The following DNMT3A variants were observed in gnomAD, a reference collection of about 807,000 sequenced individuals.
DNMT3A encodes the protein DNA (cytosine-5)-methyltransferase 3A.
Under a neutral mutation model 117.6 loss-of-function variants are expected in DNMT3A, and 267 were observed. The observed-to-expected ratio is 2.27, with a 90% CI of 2.05 to 2.51. DNMT3A has a LOEUF of 2.51. DNMT3A is among the 30% of genes most tolerant of loss of function. The pLI, the probability that DNMT3A is intolerant of heterozygous loss-of-function variation, is 0.00. For synonymous variants in DNMT3A, 432 were observed against 474.8 expected (o/e 0.91, Z 1.17); for missense variants, 1,029 against 1,260.2 (o/e 0.82, Z 2.78).
chr2:25,272,575 C>T (rs974101670), intron 6 of DNMT3A, among the ~76,000 whole-genome samples: 7 of 152,132 alleles, frequency 4.6e-5, no homozygotes, highest in Non-Finnish European at 8.8e-5. Context: ...TTCTGGGTTG[C>T]GGGGAACCCA....
chr2:25,243,760 A>C, intron 16 of DNMT3A, 138 bp downstream of exon 16: 1 of 1,014,852 alleles, frequency 9.9e-7, no homozygotes, highest in Admixed American at 2.2e-5. Context: ...TCCACTTCAC[A>C]CACAAGCTTC....
At chr2:25,312,679 G>A (rs1202541609) in intron 2 of DNMT3A, among the ~76,000 whole-genome samples, 1 of 152,186 alleles carries the variant, frequency 6.6e-6, no homozygotes, top group African/African-American at 2.4e-5. Flanking sequence ...TTTGTTTCAA[G>A]AGTTGTCCCC....
intron 4 of DNMT3A, among the ~76,000 whole-genome samples, chr2:25,277,152 C>A (rs2031490822): frequency 6.6e-6 from 1 of 152,148 alleles, no homozygotes; most frequent in Non-Finnish European, 1.5e-5. Context: ...TCGCGGGCAC[C>A]TGTGCGCGTG....
chr2:25,278,042 C>CACACACAAACAG (rs150400657), intron 4 of DNMT3A, among the ~76,000 whole-genome samples: 14,068 of 146,292 alleles, frequency 0.096, 818 homozygotes, highest in Admixed American at 0.14. Context: ...CACACACAGA[C>CACACACAAACAG]ACACACGCTT....
chr2:25,340,781 C>T (rs1270026433), intron 1 of DNMT3A, among the ~76,000 whole-genome samples: 12 of 151,132 alleles, frequency 7.9e-5, no homozygotes, highest in Non-Finnish European at 1.8e-4. Context: ...GCTGGAGGGG[C>T]GACCCCGGGC....
rs1207847249 is a variant in DNMT3A at position 25,327,420 on chromosome 2, T to C, written c.-177-13259A>G. Among the ~76,000 whole-genome samples, 1 of 152,048 alleles carries C rather than the reference T, an allele frequency of 6.6e-6. No individual in the cohort carries two copies. Among genetic ancestry groups the C allele is most frequent in the Non-Finnish European group, 1.5e-5 (1 of 68,020 alleles). ...ACTCACTCAACAGCCATTTCTTGAG[T>C]GCCATTGTGGAGCCGGGCCCTGGAG... On this transcript the variant is annotated intron_variant, in intron 1 of 22. Coordinates refer to ENST00000321117, the MANE Select transcript of DNMT3A (RefSeq NM_022552.5). The surrounding 1 kb of genome is among the most constrained non-coding windows in gnomAD (Gnocchi z 4.1).
chr2:25,258,471 A>G (rs144856550), intron 6 of DNMT3A, among the ~76,000 whole-genome samples: 36 of 152,302 alleles, frequency 2.4e-4, no homozygotes, highest in Middle Eastern at 3.4e-3. Context: ...GTCAGTCCTT[A>G]GCACCTGCAG....
At position 25,229,093 on chromosome 2, in the gene DNMT3A, G is replaced by T. The variant is rs1672776100; in HGVS notation, c.*5186C>A. ...CTCTGCTGCCTCGGGTCAGAGACAG[G>T]TCACCCACCAAAGGCCCACCTTAGC... On this transcript the variant is annotated 3_prime_UTR_variant, in exon 23 of 23. Coordinates refer to ENST00000321117, the MANE Select transcript of DNMT3A (RefSeq NM_022552.5). 1 of 152,196 alleles carries T rather than the reference G, an allele frequency of 6.6e-6. No individual in the cohort carries two copies. 9.4% of individuals were successfully genotyped at this position (152,196 alleles called of 1,614,324 possible). A position where few individuals can be genotyped will look rare whatever the true frequency, so the allele number is the denominator to read the frequency against.
Position 25,247,016 on chromosome 2 carries a change from G to C in DNMT3A, c.1122+35C>G. ...AACTTCCAGGCCTCCTAGTGCTCTAGGCTCCTCCTCCGAGCTCCCAGCAGG... is the reference window on the plus strand; with the variant it reads ...AACTTCCAGGCCTCCTAGTGCTCTACGCTCCTCCTCCGAGCTCCCAGCAGG... On this transcript the variant is annotated intron_variant, in intron 9 of 22. Coordinates refer to ENST00000321117, the MANE Select transcript of DNMT3A (RefSeq NM_022552.5). The surrounding 1 kb of genome is among the most constrained non-coding windows in gnomAD (Gnocchi z 5.6). 6.2e-7 allele frequency: 1 copy of C among 1,601,292 alleles called. No homozygotes were observed. Among genetic ancestry groups the C allele is most frequent in the Non-Finnish European group, 8.5e-7 (1 of 1,173,334 alleles).
intron 18 of DNMT3A, 24 bp from the exon 19 acceptor site, chr2:25,240,474 A>C: frequency 6.3e-7 from 1 of 1,592,970 alleles, no homozygotes; most frequent in Non-Finnish European, 8.5e-7. Flanking sequence ...AGAGAAAGCC[A>C]TCAGCTGGGG....
At chr2:25,300,560 A>C (rs1393868258) in intron 2 of DNMT3A, among the ~76,000 whole-genome samples, 2 of 146,072 alleles carry the variant, frequency 1.4e-5, no homozygotes, top group Non-Finnish European at 3.0e-5. Context: ...TGGGCAACAT[A>C]GTGAGACTCC....
At chr2:25,242,050 C>A (rs1477307251) in intron 16 of DNMT3A, 2 of 303,294 alleles carry the variant, frequency 6.6e-6, no homozygotes, top group East Asian at 1.8e-4. Flanking sequence ...TCCTTCCATA[C>A]CCTCTTATCA....
In DNMT3A at chr2:25,244,192, A is replaced by G. The variant is rs774371295; in HGVS notation, c.1814T>C (p.Leu605Pro). ...LRRREDWPSR[L>P]QMFFANNHDQ... ...GTGGTTATTAGCGAAGAACATCTGG[A>G]GCCGGGAGGGCCAGTCCTCTCGCCG... is the stretch of plus-strand genomic sequence containing the variant. Residue 605 changes from leucine (L) to proline (P), a missense_variant, in exon 15 of 23, where the codon CTC (leucine) becomes CCC (proline). Coordinates refer to ENST00000321117, the MANE Select transcript of DNMT3A (RefSeq NM_022552.5). The G allele has an allele frequency of 6.2e-7, 1 of 1,613,914 alleles. No individual in the cohort carries two copies. The highest frequency in any genetic ancestry group is 8.5e-7 in the Non-Finnish European group (1 of 1,180,046).
rs1048020840 is a variant in DNMT3A, at chr2:25,231,967, A to C, written c.*2312T>G. The C allele has an allele frequency of 6.6e-6, 1 of 152,278 alleles. No homozygotes were observed. Among genetic ancestry groups the C allele is most frequent in the Non-Finnish European group, 1.5e-5 (1 of 68,144 alleles). 9.4% of individuals were successfully genotyped at this position (152,278 alleles called of 1,614,324 possible). On this transcript the variant is annotated 3_prime_UTR_variant, in exon 23 of 23. Transcript: ENST00000321117. ...GGCGTGTGTGTGTGTGTGTGAGTGC[A>C]TTCATTATGCATCAGTACAGAAATA... is the stretch of plus-strand genomic sequence containing the variant.
chr2:25,300,648 GATATCTAAATAAT>G, intron 2 of DNMT3A, among the ~76,000 whole-genome samples: 1 of 61,234 alleles, frequency 1.6e-5, no homozygotes, highest in African/African-American at 5.5e-5. Flanking sequence ...ATATTATTTA[GATATCTAAATAAT>G]ATATTATTTA....
At chr2:25,312,755 C>T (rs1306097193) in intron 2 of DNMT3A, among the ~76,000 whole-genome samples, 1 of 152,136 alleles carries the variant, frequency 6.6e-6, no homozygotes, top group Non-Finnish European at 1.5e-5. Context: ...AATGGTAAAC[C>T]CAGGAAGGAG....
intron 19 of DNMT3A, 27 bp from the exon 20 acceptor site, chr2:25,239,242 T>C: frequency 6.2e-7 from 1 of 1,608,512 alleles, no homozygotes; most frequent in Non-Finnish European, 8.5e-7. Flanking sequence ...GGTTTGAAGA[T>C]GAGCCAAGGA....
intron 6 of DNMT3A, among the ~76,000 whole-genome samples, chr2:25,259,181 G>A (rs140026917): frequency 0.011 from 1,672 of 152,354 alleles, 17 homozygotes; most frequent in Non-Finnish European, 0.018. Context: ...CCCCATAAGG[G>A]GAAGGCTTCT....
intron 1 of DNMT3A, among the ~76,000 whole-genome samples, chr2:25,333,150 C>T (rs2035076588): frequency 6.6e-6 from 1 of 152,202 alleles, no homozygotes; most frequent in Non-Finnish European, 1.5e-5. Context: ...AAAAAGGGAC[C>T]TGGGTCAGAT....
Sources: allele counts gnomAD v4.1 joint callset (sites outside exome capture counted in the v4.1 genomes callset), GRCh38; gene constraint gnomAD v4.1.1; non-coding constraint Gnocchi (gnomAD v3.1); transcripts MANE v1.5; gene names NCBI Gene and HGNC (gene_info 2026-07-23, HGNC 2026-07-21).